Variants in OR51B5 observed in about 807,000 individuals in gnomAD.
OR51B5 encodes the protein olfactory receptor 51B5.
For synonymous variants in OR51B5, 186 were observed against 144.8 expected (o/e 1.28, Z -2.04); for missense variants, 456 against 374.6 (o/e 1.22, Z -1.79).
chr11:5,348,338 T>A (rs138071184), upstream of OR51B5, among the ~76,000 whole-genome samples: 487 of 152,204 alleles, frequency 3.2e-3, 2 homozygotes, highest in African/African-American at 7.8e-3. Context: ...TTAATCTCTC[T>A]GGCTTCCATT....
intron 1 of OR51B5, among the ~76,000 whole-genome samples, chr11:5,445,834 T>C (rs191116393): frequency 6.6e-6 from 1 of 152,066 alleles, no homozygotes; most frequent in East Asian, 1.9e-4. Context: ...TGTTACAACT[T>C]ACTTTGAAAT....
chr11:5,384,220 G>T (rs113120982), intron 1 of OR51B5, among the ~76,000 whole-genome samples: 3,918 of 152,080 alleles, frequency 0.026, 160 homozygotes, highest in African/African-American at 0.086. Flanking sequence ...TGTTACCCAG[G>T]CTACAGTGCA....
chr11:5,377,248 C>T (rs1849541709), intron 1 of OR51B5, among the ~76,000 whole-genome samples: 1 of 151,958 alleles, frequency 6.6e-6, no homozygotes, highest in Non-Finnish European at 1.5e-5. Context: ...AGGCCTTTGA[C>T]AAAATTCAAC....
intron 1 of OR51B5, among the ~76,000 whole-genome samples, chr11:5,478,596 G>C (rs1337416852): frequency 6.7e-6 from 1 of 150,186 alleles, no homozygotes; most frequent in African/African-American, 2.4e-5. Context: ...CAAAGGCAAA[G>C]AAGTGGAAAA....
At chr11:5,452,910 T>A (rs1325600579) in intron 1 of OR51B5, among the ~76,000 whole-genome samples, 1 of 152,248 alleles carries the variant, frequency 6.6e-6, no homozygotes, top group Non-Finnish European at 1.5e-5. Flanking sequence ...GAAAAGCTCA[T>A]GACTGCCTCT....
chr11:5,384,692 C>G (rs1010360224), intron 1 of OR51B5, among the ~76,000 whole-genome samples: 1 of 152,202 alleles, frequency 6.6e-6, no homozygotes, highest in Non-Finnish European at 1.5e-5. Flanking sequence ...CAGTCATTCA[C>G]TTATTCAACA....
intron 1 of OR51B5, among the ~76,000 whole-genome samples, chr11:5,364,106 A>G (rs1400068637): frequency 1.3e-5 from 2 of 152,240 alleles, no homozygotes; most frequent in East Asian, 1.9e-4. Context: ...TATAGATTCA[A>G]TAAAGGAAGA....
chr11:5,413,602 C>A (rs1330251614), intron 1 of OR51B5, among the ~76,000 whole-genome samples: 3 of 152,138 alleles, frequency 2.0e-5, no homozygotes, highest in African/African-American at 7.2e-5. Context: ...GCTGATGGAG[C>A]TGAAAGCCAA....
At chr11:5,436,574 G>T (rs141448245) in intron 1 of OR51B5, among the ~76,000 whole-genome samples, 57 of 152,306 alleles carry the variant, frequency 3.7e-4, no homozygotes, top group African/African-American at 1.4e-3. Flanking sequence ...GCAGTCTCTG[G>T]CAGCTTTATC....
chr11:5,404,036 C>G (rs1162445038), intron 1 of OR51B5, among the ~76,000 whole-genome samples: 1 of 151,650 alleles, frequency 6.6e-6, no homozygotes, highest in Non-Finnish European at 1.5e-5. Context: ...CCAACCTCAC[C>G]AAGGCCCCAA....
At chr11:5,457,077 A>G (rs1304057759) in intron 1 of OR51B5, among the ~76,000 whole-genome samples, 1 of 152,182 alleles carries the variant, frequency 6.6e-6, no homozygotes, top group Non-Finnish European at 1.5e-5. Context: ...CAATGTGAAA[A>G]TGAATTAATA....
intron 1 of OR51B5, chr11:5,456,427 G>C (rs1297229098): frequency 6.6e-6 from 1 of 152,060 alleles, no homozygotes; most frequent in African/African-American, 2.4e-5. Flanking sequence ...TCCTAAAAAG[G>C]TCTAAGCTAA....
chr11:5,343,791 TC>T (rs1398099551), upstream of OR51B5, among the ~76,000 whole-genome samples: 3 of 152,226 alleles, frequency 2.0e-5, no homozygotes, highest in Admixed American at 6.5e-5. Flanking sequence ...TTAAGCATTC[TC>T]TTCAGAAAAA....
intron 1 of OR51B5, among the ~76,000 whole-genome samples, chr11:5,411,164 T>C (rs970539518): frequency 2.6e-5 from 4 of 152,252 alleles, no homozygotes; most frequent in African/African-American, 4.8e-5. Flanking sequence ...CTTTCAGTCC[T>C]GCAAACTCTA....
intron 1 of OR51B5, among the ~76,000 whole-genome samples, chr11:5,357,514 CA>C (rs1564919414): frequency 2.6e-4 from 39 of 152,284 alleles, no homozygotes; most frequent in South Asian, 4.1e-4. Context: ...TAGACTCTCA[CA>C]CAATAACAAT....
At chr11:5,414,652 A>C (rs1433820731) in intron 1 of OR51B5, among the ~76,000 whole-genome samples, 1 of 152,140 alleles carries the variant, frequency 6.6e-6, no homozygotes, top group African/African-American at 2.4e-5. Flanking sequence ...GATAAAACAG[A>C]CTTTAAACCA....
chr11:5,469,612 C>T (rs545541632), intron 1 of OR51B5, among the ~76,000 whole-genome samples: 25 of 152,182 alleles, frequency 1.6e-4, no homozygotes, highest in Non-Finnish European at 2.2e-4. Flanking sequence ...AGCCTGGCAG[C>T]ACCCTTAGAT....
At chr11:5,383,396 G>C (rs747956527) in intron 1 of OR51B5, among the ~76,000 whole-genome samples, 24 of 152,196 alleles carry the variant, frequency 1.6e-4, no homozygotes, top group Non-Finnish European at 3.1e-4. Flanking sequence ...AGAGAATCTT[G>C]AAGTAGTGGT....
At chr11:5,472,522 G>A (rs1404405204) in intron 1 of OR51B5, among the ~76,000 whole-genome samples, 2 of 152,180 alleles carry the variant, frequency 1.3e-5, no homozygotes, top group Non-Finnish European at 2.9e-5. Context: ...CTATAAAGCT[G>A]CGTCTTCAGA....
Sources: gnomAD v4.1 joint callset for allele counts (sites outside exome capture counted in the v4.1 genomes callset) on GRCh38, gnomAD v4.1.1 for gene constraint, MANE v1.5 for transcripts, NCBI Gene and HGNC (gene_info 2026-07-23, HGNC 2026-07-21) for gene names.